AOAH: variants seen among roughly 807,000 people sequenced by gnomAD.
AOAH encodes acyloxyacyl hydrolase (neutrophil).
AOAH carries 64 observed loss-of-function variants against 92.2 expected under a neutral mutation model. That is an observed-to-expected ratio of 0.69 (90% CI 0.57 to 0.86). The LOEUF is 0.86. Ranked by LOEUF, AOAH falls within the 40% of genes least tolerant of loss-of-function variation. The pLI, the probability that AOAH is intolerant of heterozygous loss-of-function variation, is 0.00. For synonymous variants in AOAH, 263 were observed against 254.5 expected (o/e 1.03, Z -0.32); for missense variants, 656 against 694.6 (o/e 0.94, Z 0.62).
rs1247608673 is a variant in AOAH at position 36,623,262 on chromosome 7, A to G, written c.522-12T>C. On this transcript the variant is annotated splice_polypyrimidine_tract_variant and intron_variant, in intron 6 of 20. Coordinates refer to ENST00000617537, the MANE Select transcript of AOAH (RefSeq NM_001637.4). ...ACTGTTCCATAGCTCTAGGAAAAAG[A>G]AAACAAAACAATCGGTGAGCTAACA... The G allele has an allele frequency of 1.2e-6, 2 of 1,612,438 alleles. No individual in the cohort carries two copies. Among genetic ancestry groups the G allele is most frequent in the Non-Finnish European group, 1.7e-6 (2 of 1,179,224 alleles).
In AOAH at chr7:36,692,088, A is replaced by G. The variant is rs531814602; in HGVS notation, c.128-5294T>C. ...AGCTCACAGAATATCTTGGGCTCAT[A>G]AATGATGGTTGTGTAAGTGTGGGGT... is the stretch of plus-strand genomic sequence containing the variant. On this transcript the variant is annotated intron_variant, in intron 1 of 20. Transcript: ENST00000617537. Among the ~76,000 whole-genome samples the G allele has an allele frequency of 1.2e-4, 18 of 152,348 alleles. 1 individual carries two copies. Among genetic ancestry groups the G allele is most frequent in the South Asian group, 8.3e-4 (4 of 4,830 alleles).
chr7:36,680,140 T>C (rs1213501555), intron 2 of AOAH, among the ~76,000 whole-genome samples: 1 of 152,210 alleles, frequency 6.6e-6, no homozygotes, highest in Non-Finnish European at 1.5e-5. Flanking sequence ...TCTCAGGGCA[T>C]ATGATTCTGT....
chr7:36,530,025 C>T (rs1015344365), intron 19 of AOAH, among the ~76,000 whole-genome samples: 2 of 152,174 alleles, frequency 1.3e-5, no homozygotes, highest in Non-Finnish European at 2.9e-5. Flanking sequence ...CTGGGTATTT[C>T]AGGGCCCACT....
chr7:36,561,983 A>G (rs993546713), intron 13 of AOAH, among the ~76,000 whole-genome samples: 1 of 152,204 alleles, frequency 6.6e-6, no homozygotes, highest in Non-Finnish European at 1.5e-5. Flanking sequence ...CCAAGGAGTG[A>G]GGACTTGTCT....
intron 13 of AOAH, among the ~76,000 whole-genome samples, chr7:36,573,492 TG>T (rs1400944445): frequency 6.6e-6 from 1 of 152,134 alleles, no homozygotes; most frequent in African/African-American, 2.4e-5. Context: ...CCGAGGCTGG[TG>T]GATCACCAGA....
chr7:36,692,339 T>C (rs6967860), intron 1 of AOAH, among the ~76,000 whole-genome samples: 85,333 of 152,064 alleles, frequency 0.56, 24,341 homozygotes, highest in East Asian at 0.83. Context: ...TGTTGCATTA[T>C]CAACAACATT....
intron 6 of AOAH, 25 bp from the exon 7 acceptor site, chr7:36,623,275 C>T (rs368736670): frequency 1.3e-5 from 21 of 1,607,508 alleles, no homozygotes; most frequent in East Asian, 2.2e-5. Flanking sequence ...ACAAAACAAT[C>T]GGTGAGCTAA....
chr7:36,582,902 T>C (rs547981220), intron 12 of AOAH, among the ~76,000 whole-genome samples: 48 of 151,804 alleles, frequency 3.2e-4, no homozygotes, highest in Non-Finnish European at 1.0e-4. Context: ...TGGAGTGCAG[T>C]GGCATGATCT....
chr7:36,673,962 C>T lies in AOAH; in HGVS notation c.271G>A (p.Gly91Arg). 6.2e-7 allele frequency: 1 copy of T among 1,610,670 alleles called. No homozygotes were observed. Among genetic ancestry groups the T allele is most frequent in the South Asian group, 1.1e-5 (1 of 90,746 alleles). The change falls in exon 3 of 21, where the codon GGA (glycine) becomes AGA (arginine). Residue 91 changes from glycine to arginine, a missense_variant. Physicochemically the swap from Gly to Arg is moderately radical, Grantham distance 125. Coordinates refer to ENST00000617537, the MANE Select transcript of AOAH (RefSeq NM_001637.4). ...TTCYLVIDKFGSDIIKLLSAD... is the reference protein window; with the variant it reads ...TTCYLVIDKFRSDIIKLLSAD... ...ACTCACAGTTTTATGATGTCTGATC[C>T]AAACTTGTCAATGACTAAATAGCAG... is the stretch of plus-strand genomic sequence containing the variant.
chr7:36,650,380 A>C (rs1350533040), intron 4 of AOAH, among the ~76,000 whole-genome samples: 2 of 152,178 alleles, frequency 1.3e-5, no homozygotes, highest in African/African-American at 4.8e-5. Context: ...GGTAGAAATC[A>C]AGGAATGGTT....
chr7:36,576,248 C>T (rs77340544), intron 13 of AOAH, among the ~76,000 whole-genome samples: 2,800 of 152,330 alleles, frequency 0.018, 35 homozygotes, highest in Non-Finnish European at 0.027. Context: ...TTTTTCTCAG[C>T]TCTTGTTCTG....
At chr7:36,559,278 G>T (rs1208737391) in intron 13 of AOAH, among the ~76,000 whole-genome samples, 2 of 152,232 alleles carry the variant, frequency 1.3e-5, no homozygotes, top group East Asian at 3.8e-4. Context: ...TAACAGGATT[G>T]CTGGGTCAAA....
intron 13 of AOAH, among the ~76,000 whole-genome samples, chr7:36,576,146 C>T (rs1197543041): frequency 6.6e-6 from 1 of 152,198 alleles, no homozygotes; most frequent in Non-Finnish European, 1.5e-5. Context: ...AAGATTGAAA[C>T]CCACACAGGT....
At chr7:36,637,806 G>A in intron 5 of AOAH, 45 bp downstream of exon 5, 2 of 1,575,764 alleles carry the variant, frequency 1.3e-6, no homozygotes, top group African/African-American at 1.3e-5. Context: ...AGTGAGAGAG[G>A]ACATGCCAAG....
At chr7:36,553,824 T>C (rs1400748073) in intron 13 of AOAH, among the ~76,000 whole-genome samples, 3 of 152,218 alleles carry the variant, frequency 2.0e-5, no homozygotes, top group Non-Finnish European at 4.4e-5. Flanking sequence ...CACTTTTTCA[T>C]GGGGTTGTTT....
At chr7:36,714,079 G>C (rs1404064094) in intron 1 of AOAH, among the ~76,000 whole-genome samples, 1 of 152,070 alleles carries the variant, frequency 6.6e-6, no homozygotes, top group Non-Finnish European at 1.5e-5. Flanking sequence ...TAGACCGCTA[G>C]CAAGACTAAT....
intron 2 of AOAH, among the ~76,000 whole-genome samples, chr7:36,678,603 G>GCGCGCA (rs1796442479): frequency 6.9e-6 from 1 of 144,340 alleles, no homozygotes; most frequent in Non-Finnish European, 1.5e-5. Context: ...GTGTGTGTGC[G>GCGCGCA]CGCGCGCGCG....
At chr7:36,668,750 G>A (rs1312411945) in intron 3 of AOAH, among the ~76,000 whole-genome samples, 2 of 152,232 alleles carry the variant, frequency 1.3e-5, no homozygotes, top group Non-Finnish European at 2.9e-5. Context: ...GCCTCCCAAA[G>A]TGTTGGGATT....
At chr7:36,560,119 G>A (rs989408515) in intron 13 of AOAH, among the ~76,000 whole-genome samples, 14 of 152,222 alleles carry the variant, frequency 9.2e-5, no homozygotes, top group African/African-American at 2.9e-4. Flanking sequence ...AGTACCATGC[G>A]TTTTGGTCAC....
Sources: gnomAD v4.1 joint callset for allele counts (sites outside exome capture counted in the v4.1 genomes callset) on GRCh38, gnomAD v4.1.1 for gene constraint, MANE v1.5 for transcripts, NCBI Gene and HGNC (gene_info 2026-07-23, HGNC 2026-07-21) for gene names.